GRIK2: variants seen among roughly 807,000 people sequenced by gnomAD.
The protein encoded by GRIK2 is glutamate receptor ionotropic, kainate 2.
In GRIK2, 32 loss-of-function variants were observed where a neutral mutation model predicts 100.3. That is an observed-to-expected ratio of 0.32 (90% CI 0.24 to 0.43). GRIK2 has a LOEUF of 0.43. Among genes scored for constraint, GRIK2 ranks in the 20% least tolerant of loss-of-function variants. The pLI is 1.00. For missense variants in GRIK2, 843 were observed against 1,114.9 expected (o/e 0.76, Z 3.47); for synonymous variants, 417 against 389.4 (o/e 1.07, Z -0.83).
chr6:101,577,958 T>TAG (rs1777869010), intron 2 of GRIK2, among the ~76,000 whole-genome samples: 2 of 152,106 alleles, frequency 1.3e-5, no homozygotes, highest in African/African-American at 4.8e-5. Context: ...GGTTGAAGTC[T>TAG]AGATCACAAA....
chr6:101,742,018 C>T (rs1018808467), intron 7 of GRIK2, among the ~76,000 whole-genome samples: 1 of 152,230 alleles, frequency 6.6e-6, no homozygotes, highest in African/African-American at 2.4e-5. Flanking sequence ...TTATACCACA[C>T]TGTTCTTAAT....
chr6:101,834,537 G>A (rs1349375397), intron 10 of GRIK2, among the ~76,000 whole-genome samples: 1 of 151,984 alleles, frequency 6.6e-6, no homozygotes, highest in Non-Finnish European at 1.5e-5. Flanking sequence ...AAGTTGTATA[G>A]CTAGTGATTA....
chr6:102,041,783 C>T (rs1375506171), intron 15 of GRIK2, among the ~76,000 whole-genome samples: 4 of 146,252 alleles, frequency 2.7e-5, no homozygotes, highest in East Asian at 2.0e-4. Context: ...ACTTCTAATA[C>T]GAGGTTTTAG....
chr6:101,571,085 T>C (rs1364787456), intron 2 of GRIK2, among the ~76,000 whole-genome samples: 1 of 152,018 alleles, frequency 6.6e-6, no homozygotes, highest in African/African-American at 2.4e-5. Flanking sequence ...GAGATTTAGA[T>C]ATTTTGGAGT....
intron 7 of GRIK2, among the ~76,000 whole-genome samples, chr6:101,748,171 A>T (rs1475727396): frequency 6.6e-6 from 1 of 152,232 alleles, no homozygotes; most frequent in African/African-American, 2.4e-5. Context: ...ATATTCATGC[A>T]GTCAAATTAA....
Position 101,782,568 on chromosome 6 carries a change from A to G in GRIK2, c.952-17080A>G, listed in dbSNP as rs559129597. ...CTTTTTCATGGTCAAATGATGTTCT[A>G]TTGTGTATATATCCTACATTTTCTT... On this transcript the variant is annotated intron_variant, in intron 7 of 16. Coordinates refer to ENST00000369134, the MANE Select transcript of GRIK2 (RefSeq NM_021956.5). 1.2e-3 allele frequency among the ~76,000 whole-genome samples: 190 copies of G among 152,310 alleles called. 1 individual carries two copies. Among genetic ancestry groups the G allele is most frequent in the Non-Finnish European group, 1.6e-3 (110 of 68,014 alleles).
intron 14 of GRIK2, among the ~76,000 whole-genome samples, chr6:101,945,862 G>A (rs1791238556): frequency 6.7e-6 from 1 of 148,562 alleles, no homozygotes; most frequent in African/African-American, 2.5e-5. Flanking sequence ...TGAGGTCAAA[G>A]ACTTAGTAAC....
chr6:101,748,765 T>C (rs1776604184), intron 7 of GRIK2, among the ~76,000 whole-genome samples: 1 of 152,140 alleles, frequency 6.6e-6, no homozygotes, highest in Non-Finnish European at 1.5e-5. Context: ...TATATGTACA[T>C]GTATTGACTT....
In GRIK2 at chr6:101,489,596, G is replaced by A. The variant is rs1773001766; in HGVS notation, c.115+90204G>A. Among the ~76,000 whole-genome samples, 3 of 146,246 alleles carry A rather than the reference G, an allele frequency of 2.1e-5. 1 individual carries two copies. Among genetic ancestry groups the A allele is most frequent in the Non-Finnish European group, 4.5e-5 (3 of 66,488 alleles). On this transcript the variant is annotated intron_variant, in intron 2 of 16. Transcript: ENST00000369134. ...TGAACTTACTGATTTACTGTGTTTT[G>A]TAATCTAGTTGTTGAAGAGTCAAAG...
intron 2 of GRIK2, among the ~76,000 whole-genome samples, chr6:101,574,059 T>C (rs1777680110): frequency 6.6e-6 from 1 of 151,680 alleles, no homozygotes; most frequent in Non-Finnish European, 1.5e-5. Flanking sequence ...ATACTGAGAA[T>C]AGAATTTTAG....
rs1554284826 is a variant in GRIK2, at chr6:101,910,839, C to CACACACACACACACA, written c.1749-13762_1749-13761insACACACACACACACA. Among the ~76,000 whole-genome samples the CACACACACACACACA allele has an allele frequency of 5.3e-3, 755 of 143,358 alleles. 15 individuals are homozygous for CACACACACACACACA. Among genetic ancestry groups the CACACACACACACACA allele is most frequent in the African/African-American group, 0.019 (712 of 37,820 alleles). The allele number at this position is 143,358 out of a possible 152,430, so 94.0% of individuals were successfully genotyped here. Reference sequence around the variant, plus strand: ...CACAGTAAAATAATACCAACATACACCACACACACACACACACACACACAC... The same window carrying CACACACACACACACA: ...CACAGTAAAATAATACCAACATACACACACACACACACACACACACACACACACACACACACACAC... On this transcript the variant is annotated intron_variant, in intron 12 of 16. Coordinates refer to ENST00000369134, the MANE Select transcript of GRIK2 (RefSeq NM_021956.5).
At chr6:101,630,827 T>C (rs1357023433) in intron 4 of GRIK2, among the ~76,000 whole-genome samples, 1 of 151,728 alleles carries the variant, frequency 6.6e-6, no homozygotes, top group Non-Finnish European at 1.5e-5. Context: ...TATCTGCTTT[T>C]ACTGCAAAAC....
At chr6:101,792,212 A>C (rs1439500529) in intron 7 of GRIK2, among the ~76,000 whole-genome samples, 1 of 151,138 alleles carries the variant, frequency 6.6e-6, no homozygotes, top group African/African-American at 2.4e-5. Flanking sequence ...TTTACATTTA[A>C]AGTTAATATT....
Position 101,421,288 on chromosome 6 carries a change from C to T in GRIK2, c.115+21896C>T, listed in dbSNP as rs539831958. 7.5e-4 allele frequency among the ~76,000 whole-genome samples: 114 copies of T among 152,326 alleles called. No homozygotes were observed. The Middle Eastern group carries it at 0.01, about 14-fold the overall frequency. Reference sequence around the variant, plus strand: ...GGCTTTATTCCAGAACTTTGCCTTTCTCTCTCCTGTAAGCTACGCAGCATG... The same window carrying T: ...GGCTTTATTCCAGAACTTTGCCTTTTTCTCTCCTGTAAGCTACGCAGCATG... On this transcript the variant is annotated intron_variant, in intron 2 of 16. Transcript: ENST00000369134.
At chr6:101,706,155 T>C (rs914813848) in intron 7 of GRIK2, among the ~76,000 whole-genome samples, 33 of 151,908 alleles carry the variant, frequency 2.2e-4, no homozygotes, top group African/African-American at 7.2e-4. Context: ...AGATTTATCA[T>C]GTTTTGTTTC....
At chr6:101,699,706 C>T (rs999200795) in intron 7 of GRIK2, among the ~76,000 whole-genome samples, 1 of 152,100 alleles carries the variant, frequency 6.6e-6, no homozygotes, top group Non-Finnish European at 1.5e-5. Context: ...GTCTATAAAT[C>T]CATGTATATA....
At chr6:101,870,909 A>G (rs927632521) in intron 11 of GRIK2, among the ~76,000 whole-genome samples, 2 of 151,912 alleles carry the variant, frequency 1.3e-5, no homozygotes, top group Admixed American at 1.3e-4. Flanking sequence ...ATAATTTGAG[A>G]GCACGTGTTC....
At chr6:101,925,944 A>C (rs6935027) in intron 13 of GRIK2, among the ~76,000 whole-genome samples, 2,045 of 151,954 alleles carry the variant, frequency 0.013, 59 homozygotes, top group African/African-American at 0.047. Flanking sequence ...TTAATTTACC[A>C]ATAAATAATC....
intron 9 of GRIK2, among the ~76,000 whole-genome samples, chr6:101,817,167 A>G (rs1354017368): frequency 6.6e-6 from 1 of 152,138 alleles, no homozygotes; most frequent in African/African-American, 2.4e-5. Flanking sequence ...AGAATACTGA[A>G]TTACTTGACT....
Sources: allele counts gnomAD v4.1 joint callset (sites outside exome capture counted in the v4.1 genomes callset), GRCh38; gene constraint gnomAD v4.1.1; transcripts MANE v1.5; gene names NCBI Gene and HGNC (gene_info 2026-07-23, HGNC 2026-07-21).